NKPD1: variants seen among roughly 807,000 people sequenced by gnomAD.
NKPD1 encodes the protein NTPase KAP family P-loop domain-containing protein 1.
NKPD1 carries 37 observed loss-of-function variants against 42.2 expected under a neutral mutation model. The observed-to-expected ratio is 0.88, with a 90% CI of 0.67 to 1.15. NKPD1 has a LOEUF of 1.15. Ranked by LOEUF, NKPD1 falls within the 50% of genes most tolerant of loss-of-function variation. The pLI, the probability that NKPD1 is intolerant of heterozygous loss-of-function variation, is 0.00. For missense variants in NKPD1, 1,113 were observed against 1,174.6 expected, an observed-to-expected ratio of 0.95 and a Z score of 0.77; for synonymous variants, 552 against 536.5, an observed-to-expected ratio of 1.03 and a Z score of -0.40.
In NKPD1 at chr19:45,152,901, G is replaced by A; in HGVS notation, c.1536C>T (p.Ala512=). Reference sequence around the variant, plus strand: ...GGTTGAGGAAGAGGTAGCCGTTATCGGCCGTGCCCTTCATGTTGCCCGCGC... The same window carrying A: ...GGTTGAGGAAGAGGTAGCCGTTATCAGCCGTGCCCTTCATGTTGCCCGCGC... ...LESAGNMKGT[A]DNGYLFLNRT... The change falls in exon 5 of 5, where the codon GCC becomes GCT. Residue 512 remains alanine, a synonymous_variant. Transcript: ENST00000686631. The A allele has an allele frequency of 6.3e-7, 1 of 1,581,832 alleles. No individual in the cohort carries two copies. Among genetic ancestry groups the A allele is most frequent in the Non-Finnish European group, 8.6e-7 (1 of 1,161,184 alleles).
At position 45,158,662 on chromosome 19, in the gene NKPD1, C is replaced by T; in HGVS notation, c.529+1G>A. 8.6e-7 allele frequency: 1 copy of T among 1,165,014 alleles called. No homozygotes were observed. Among genetic ancestry groups the T allele is most frequent in the Non-Finnish European group, 1.1e-6 (1 of 929,808 alleles). 72.2% of individuals were successfully genotyped at this position (1,165,014 alleles called of 1,614,324 possible). On this transcript the variant is annotated splice_donor_variant, in intron 3 of 4. Transcript: ENST00000686631. LOFTEE classifies it high-confidence loss of function. This position sits in a 1 kb window ranked among gnomAD's most constrained non-coding sequence, Gnocchi z 4.6. ...GCCCCCAAGAAGGCCAGGGTGAGCA[C>T]CGGAGCTGTAGGCAGTGAAGGAGCC...
At position 45,158,141 on chromosome 19, in the gene NKPD1, C is replaced by T. The variant is rs1968938345; in HGVS notation, c.529+522G>A. ...CCCACTCCCCACTGTGCCCCTAGAA[C>T]AGGGTCTGGCACGCTCAGGGTGCTG... On this transcript the variant is annotated intron_variant, in intron 3 of 4. Transcript: ENST00000686631. The surrounding 1 kb of genome is among the most constrained non-coding windows in gnomAD (Gnocchi z 4.6). Among the ~76,000 whole-genome samples, 1 of 152,216 alleles carries T rather than the reference C, an allele frequency of 6.6e-6. No individual in the cohort carries two copies. Among genetic ancestry groups the T allele is most frequent in the Admixed American group, 6.5e-5 (1 of 15,286 alleles).
At position 45,155,786 on chromosome 19, in the gene NKPD1, C is replaced by A; in HGVS notation, c.660G>T (p.Thr220=). Residue 220 remains threonine (T), a splice_region_variant and synonymous_variant, in exon 4 of 5, where the codon ACG becomes ACT. Coordinates refer to ENST00000686631, the MANE Select transcript of NKPD1 (RefSeq NM_198478.4). ...CAACAAACACACACAGCTCCTCACC[C>A]GTGATCTTGTCCAGCATCATGTGCA... ...CRLHMMLDKI[T]ALMQQEAAQR... is the part of the protein sequence containing the mutation. The A allele has an allele frequency of 7.7e-7, 1 of 1,303,282 alleles. No homozygotes were observed. The highest frequency in any genetic ancestry group is 1.0e-6 in the Non-Finnish European group (1 of 987,256). The allele number at this position is 1,303,282 out of a possible 1,614,324, so 80.7% of individuals were successfully genotyped here.
In NKPD1 at chr19:45,153,777, T is replaced by G; in HGVS notation, c.662-2A>C. The G allele has an allele frequency of 6.9e-7, 1 of 1,458,228 alleles. No homozygotes were observed. Among genetic ancestry groups the G allele is most frequent in the Non-Finnish European group, 9.1e-7 (1 of 1,102,618 alleles). The allele number at this position is 1,458,228 out of a possible 1,614,324, so 90.3% of individuals were successfully genotyped here. A position where few individuals can be genotyped will look rare whatever the true frequency, so the allele number is the denominator to read the frequency against. On this transcript the variant is annotated splice_acceptor_variant, in intron 4 of 4. Transcript: ENST00000686631. LOFTEE classifies it high-confidence loss of function. Reference sequence around the variant, plus strand: ...GCGCGGCCTCCTGCTGCATCAGCGCTGCGGGAAGGGAGCCCGGGAGCCGCG... The same window carrying G: ...GCGCGGCCTCCTGCTGCATCAGCGCGGCGGGAAGGGAGCCCGGGAGCCGCG...
At chr19:45,160,998 G>A (rs908074352), upstream of NKPD1, among the ~76,000 whole-genome samples, 1 of 152,112 alleles carries the variant, frequency 6.6e-6, no homozygotes, top group African/African-American at 2.4e-5. Context: ...GTCAGCGCAG[G>A]CCCATCCAGA....
chr19:45,154,035 G>A (rs1568457378), intron 4 of NKPD1, among the ~76,000 whole-genome samples: 1 of 152,266 alleles, frequency 6.6e-6, no homozygotes, highest in Non-Finnish European at 1.5e-5. Flanking sequence ...GGTAGAGCCG[G>A]CAGAGGAGAG....
intron 3 of NKPD1, among the ~76,000 whole-genome samples, chr19:45,157,429 C>T (rs933423550): frequency 1.3e-5 from 2 of 152,164 alleles, no homozygotes; most frequent in Non-Finnish European, 2.9e-5. Context: ...GCATACTTTT[C>T]GAGGCAAGGT....
In NKPD1 at chr19:45,152,190, G is replaced by A. The variant is rs902927091; in HGVS notation, c.2247C>T (p.Ser749=). 6.3e-7 allele frequency: 1 copy of A among 1,595,914 alleles called. No individual in the cohort carries two copies. The highest frequency in any genetic ancestry group is 8.5e-7 in the Non-Finnish European group (1 of 1,172,800). Residue 749 remains serine, a synonymous_variant, in exon 5 of 5, where the codon TCC becomes TCT. Transcript: ENST00000686631. ...GGATGAGACCCATGCGCCGGCGGATGGAGTGGTCCAGGTTGACCGTGCAGC... is the reference window on the plus strand; with the variant it reads ...GGATGAGACCCATGCGCCGGCGGATAGAGTGGTCCAGGTTGACCGTGCAGC... ...LLRCTVNLDH[S]IRRRMGLIRA...
chr19:45,152,613 G>C lies in NKPD1; in HGVS notation c.1824C>G (p.Arg608=), dbSNP rs777951376. The C allele has an allele frequency of 4.4e-6, 7 of 1,577,760 alleles. No homozygotes were observed. In the African/African-American group the frequency reaches 5.5e-5, roughly 13 times the overall value. The change falls in exon 5 of 5, where the codon CGC becomes CGG. Residue 608 remains arginine, a synonymous_variant. Coordinates refer to ENST00000686631, the MANE Select transcript of NKPD1 (RefSeq NM_198478.4). ...CGGGCACGTACTCGTAGAGGCAGTCGCGCTCGTCGTGAAGGCAGAAGAGCG... is the reference window on the plus strand; with the variant it reads ...CGGGCACGTACTCGTAGAGGCAGTCCCGCTCGTCGTGAAGGCAGAAGAGCG... ...QEALFCLHDE[R]DCLYEYVPDN...
upstream of NKPD1, among the ~76,000 whole-genome samples, chr19:45,162,701 A>G (rs1969032659): frequency 6.6e-6 from 1 of 152,124 alleles, no homozygotes; most frequent in Non-Finnish European, 1.5e-5. Flanking sequence ...TTCTGTGCAC[A>G]TCGCCGGGCA....
chr19:45,159,370 A>T (rs968718621), intron 2 of NKPD1, among the ~76,000 whole-genome samples: 2 of 152,106 alleles, frequency 1.3e-5, no homozygotes, highest in Non-Finnish European at 2.9e-5. Context: ...TGGGGCTTCA[A>T]TGGAGGCTGG....
chr19:45,157,797 T>C (rs1968932278), intron 3 of NKPD1, among the ~76,000 whole-genome samples: 1 of 146,570 alleles, frequency 6.8e-6, no homozygotes, highest in Admixed American at 7.1e-5. Flanking sequence ...TCATCTCGGC[T>C]CATTGCAACC....
intron 2 of NKPD1, among the ~76,000 whole-genome samples, chr19:45,159,684 G>T (rs968168082): frequency 2.6e-5 from 4 of 152,100 alleles, no homozygotes; most frequent in Non-Finnish European, 5.9e-5. Flanking sequence ...GATCACCTGT[G>T]GTCACCACCA....
At position 45,152,380 on chromosome 19, in the gene NKPD1, C is replaced by G. The variant is rs760734480; in HGVS notation, c.2057G>C (p.Gly686Ala). 1.2e-5 allele frequency: 19 copies of G among 1,584,396 alleles called. No individual in the cohort carries two copies. Among genetic ancestry groups the G allele is most frequent in the Admixed American group, 1.8e-5 (1 of 56,658 alleles). Residue 686 changes from glycine (G) to alanine (A), a missense_variant, in exon 5 of 5, where the codon GGC (glycine) becomes GCC (alanine). Coordinates refer to ENST00000686631, the MANE Select transcript of NKPD1 (RefSeq NM_198478.4). The stretch of plus-strand genomic sequence containing the variant: ...GAAAACGTCCCAGAGGCGCGCGCGG[C>G]CCTCGGGCGCGCCCCCGGTCTGCTG... ...DRQQTGGAPE[G>A]RARLWDVFRD... is the part of the protein sequence containing the mutation.
In NKPD1 at chr19:45,152,104, T is replaced by TG. The variant is rs777176845; in HGVS notation, c.2332dup (p.His778ProfsTer77). 2.9e-5 allele frequency: 47 copies of TG among 1,605,066 alleles called. No homozygotes were observed. Among genetic ancestry groups the TG allele is most frequent in the African/African-American group, 5.4e-5 (4 of 74,706 alleles). The stretch of plus-strand genomic sequence containing the variant: ...GGCGCTGTTGGCCCGGTGGGCAGCG[T>TG]GGGGGGTATCGCGGGTAGGGGACTT... On this transcript the variant is annotated frameshift_variant, in exon 5 of 5. Transcript: ENST00000686631. LOFTEE classifies it low-confidence loss of function (END_TRUNC).
Position 45,153,455 on chromosome 19 carries a change from C to T in NKPD1, c.982G>A (p.Asp328Asn), listed in dbSNP as rs1036516198. 3.2e-6 allele frequency: 5 copies of T among 1,550,020 alleles called. No homozygotes were observed. Among genetic ancestry groups the T allele is most frequent in the Non-Finnish European group, 4.3e-6 (5 of 1,151,098 alleles). The change falls in exon 5 of 5, where the codon GAC becomes AAC. Residue 328 changes from aspartate to asparagine, a missense_variant. Around this residue, in one of 3 missense-constraint regions of NKPD1, gnomAD observed 867 missense variants for 870.1 expected, o/e 1.00. Coordinates refer to ENST00000686631, the MANE Select transcript of NKPD1 (RefSeq NM_198478.4). Reference protein sequence around the residue: ...VLGNKPATRQDCCQSEWHCRR... With the variant: ...VLGNKPATRQNCCQSEWHCRR... ...CAATGCCACTCGCTCTGGCAGCAGTCCTGCCTGGTGGCCGGCTTGTTGCCC... is the reference window on the plus strand; with the variant it reads ...CAATGCCACTCGCTCTGGCAGCAGTTCTGCCTGGTGGCCGGCTTGTTGCCC...
At chr19:45,162,355 A>C (rs1387262230), upstream of NKPD1, among the ~76,000 whole-genome samples, 2 of 152,160 alleles carry the variant, frequency 1.3e-5, no homozygotes, top group Non-Finnish European at 2.9e-5. Context: ...CCCACTCTAC[A>C]GGGGAGGTTC....
chr19:45,156,154 C>T (rs761773277), intron 3 of NKPD1, among the ~76,000 whole-genome samples: 2 of 152,204 alleles, frequency 1.3e-5, no homozygotes. Flanking sequence ...CCCCCAGCCA[C>T]ACACCAGAGG....
At chr19:45,162,467 G>A (rs558368514), upstream of NKPD1, among the ~76,000 whole-genome samples, 14 of 152,274 alleles carry the variant, frequency 9.2e-5, no homozygotes, top group Non-Finnish European at 1.5e-4. Flanking sequence ...AGCGGGCGGC[G>A]AAGCCCAGGA....
Sources: allele counts gnomAD v4.1 joint callset (sites outside exome capture counted in the v4.1 genomes callset), GRCh38; gene constraint gnomAD v4.1.1; regional missense constraint gnomAD v4.1.1; non-coding constraint Gnocchi (gnomAD v3.1); transcripts MANE v1.5; gene names NCBI Gene and HGNC (gene_info 2026-07-23, HGNC 2026-07-21).